BNC2: variants seen among roughly 807,000 people sequenced by gnomAD.
BNC2 encodes the protein zinc finger protein basonuclin-2.
A neutral mutation model predicts 76.3 loss-of-function variants in BNC2; 20 were observed. The ratio of observed to expected loss-of-function variants is 0.26; its 90% CI spans 0.18 to 0.38. BNC2 has a LOEUF of 0.38. Among genes scored for constraint, BNC2 ranks in the 10% least tolerant of loss-of-function variants. The pLI, the probability that BNC2 is intolerant of heterozygous loss-of-function variation, is 1.00. For missense variants in BNC2, 1,382 were observed against 1,399.8 expected (o/e 0.99, Z 0.20); for synonymous variants, 582 against 514.8 (o/e 1.13, Z -1.77).
At chr9:16,779,301 CAA>C (rs71327858) in intron 1 of BNC2, among the ~76,000 whole-genome samples, 13,107 of 105,362 alleles carry the variant, frequency 0.12, 618 homozygotes, top group Admixed American at 0.22. Flanking sequence ...GACCCTCTCT[CAA>C]AAAAAAAAAA....
Position 16,856,830 on chromosome 9 carries a change from G to A in BNC2, c.3+13816C>T, listed in dbSNP as rs373702325. Among the ~76,000 whole-genome samples the A allele has an allele frequency of 7.8e-4, 119 of 152,212 alleles. No homozygotes were observed. The South Asian group carries it at 8.3e-3, about 11-fold the overall frequency. On this transcript the variant is annotated intron_variant, in intron 1 of 6. Transcript: ENST00000380672. ...TCCAGAAGCCTACCTGTTAGCATTC[G>A]TGTTGATAGAATGAACTTCTCCAAT...
At chr9:16,506,101 T>G (rs1822616799) in intron 5 of BNC2, among the ~76,000 whole-genome samples, 1 of 152,200 alleles carries the variant, frequency 6.6e-6, no homozygotes, top group African/African-American at 2.4e-5. Flanking sequence ...TTTAAAAATC[T>G]ATCGCAAACT....
chr9:16,862,190 C>T (rs991020067), intron 1 of BNC2, among the ~76,000 whole-genome samples: 1 of 152,118 alleles, frequency 6.6e-6, no homozygotes, highest in Admixed American at 6.5e-5. Context: ...GAAATGAAAA[C>T]ATTATGTCCA....
chr9:16,516,516 A>G (rs1162350036), intron 5 of BNC2, among the ~76,000 whole-genome samples: 2 of 152,222 alleles, frequency 1.3e-5, no homozygotes, highest in East Asian at 1.9e-4. Context: ...AATTACATAC[A>G]TAGGTACCCA....
rs545312308 is a variant in BNC2, at chr9:16,607,963, T to C, written c.331-24878A>G. On this transcript the variant is annotated intron_variant, in intron 3 of 6. Transcript: ENST00000380672. Reference sequence around the variant, plus strand: ...ATTTACTCTTATGACCAATATGGAGTTCCAGGTATCCAAAAACCCCCATGG... The same window carrying C: ...ATTTACTCTTATGACCAATATGGAGCTCCAGGTATCCAAAAACCCCCATGG... Among the ~76,000 whole-genome samples, 5 of 152,170 alleles carry C rather than the reference T, an allele frequency of 3.3e-5. No homozygotes were observed. In the East Asian group the frequency reaches 9.7e-4, roughly 29 times the overall value.
intron 3 of BNC2, among the ~76,000 whole-genome samples, chr9:16,591,887 A>G (rs150767043): frequency 5.3e-4 from 81 of 152,342 alleles, no homozygotes; most frequent in African/African-American, 1.9e-3. Context: ...ATATGAAGAA[A>G]TAGCAAGCTG....
At chr9:16,713,595 T>C (rs1173977593) in intron 3 of BNC2, among the ~76,000 whole-genome samples, 1 of 152,096 alleles carries the variant, frequency 6.6e-6, no homozygotes, top group Admixed American at 6.6e-5. Context: ...TTAATGTAGA[T>C]GGTTGGTGCC....
Position 16,738,382 on chromosome 9 carries a change from C to T in BNC2, c.107G>A (p.Gly36Glu). ...WPAYFKVPCC[G>E]VDTSQIESEE... Reference sequence around the variant, plus strand: ...TACCTCAATTTGAGATGTATCAACCCCACAACATGGGACCTTGAAATATGC... The same window carrying T: ...TACCTCAATTTGAGATGTATCAACCTCACAACATGGGACCTTGAAATATGC... Residue 36 changes from glycine to glutamate, a missense_variant, in exon 2 of 7, where the codon GGG (glycine) becomes GAG (glutamate). Gly to Glu is a moderately conservative substitution (Grantham distance 98, BLOSUM62 -2). Coordinates refer to ENST00000380672, the MANE Select transcript of BNC2 (RefSeq NM_017637.6). 1 of 1,614,030 alleles carries T rather than the reference C, an allele frequency of 6.2e-7. No homozygotes were observed. Among genetic ancestry groups the T allele is most frequent in the Non-Finnish European group, 8.5e-7 (1 of 1,179,984 alleles).
chr9:16,613,021 G>GTT (rs1261169066), intron 3 of BNC2, among the ~76,000 whole-genome samples: 2 of 152,160 alleles, frequency 1.3e-5, no homozygotes, highest in Non-Finnish European at 2.9e-5. Context: ...ATGGTACGGA[G>GTT]GTAAAGCAGC....
intron 1 of BNC2, among the ~76,000 whole-genome samples, chr9:16,783,902 T>C (rs1826214406): frequency 6.6e-6 from 1 of 152,252 alleles, no homozygotes. Flanking sequence ...AAAATTCTTT[T>C]ATATTTTTAA....
In BNC2 at chr9:16,664,846, G is replaced by T. The variant is rs1319952290; in HGVS notation, c.330+62951C>A. Among the ~76,000 whole-genome samples, 7 of 141,000 alleles carry T rather than the reference G, an allele frequency of 5.0e-5. No individual in the cohort carries two copies. The East Asian group carries it at 8.8e-4, about 18-fold the overall frequency. The allele number at this position is 141,000 out of a possible 152,430, so 92.5% of individuals were successfully genotyped here. On this transcript the variant is annotated intron_variant, in intron 3 of 6. Transcript: ENST00000380672. ...CAGAATTCATGTCCACGTGAAATGT[G>T]AGCACCAGAATGCTTCACCTATACC...
intron 3 of BNC2, among the ~76,000 whole-genome samples, chr9:16,656,344 T>C (rs144874310): frequency 0.025 from 3,779 of 152,264 alleles, 121 homozygotes; most frequent in South Asian, 0.18. Context: ...CCACCCATGC[T>C]GAGGAGTTTC....
intron 1 of BNC2, among the ~76,000 whole-genome samples, chr9:16,796,739 G>C (rs1817665188): frequency 1.3e-5 from 2 of 152,102 alleles, no homozygotes; most frequent in Admixed American, 1.3e-4. Context: ...GAATGTACTT[G>C]AGTAGAATCG....
At chr9:16,869,775 G>C (rs542977591) in intron 1 of BNC2, among the ~76,000 whole-genome samples, 1 of 152,320 alleles carries the variant, frequency 6.6e-6, no homozygotes, top group South Asian at 2.1e-4. Flanking sequence ...TAGAGGGGCT[G>C]TGCTGGAGTC....
At chr9:16,782,060 G>A (rs1015305078) in intron 1 of BNC2, among the ~76,000 whole-genome samples, 2 of 152,054 alleles carry the variant, frequency 1.3e-5, no homozygotes, top group African/African-American at 4.8e-5. Flanking sequence ...GCCGAGGGGG[G>A]CGGATCACGA....
chr9:16,707,068 G>A (rs959718319), intron 3 of BNC2, among the ~76,000 whole-genome samples: 11 of 152,164 alleles, frequency 7.2e-5, no homozygotes, highest in Admixed American at 2.0e-4. Flanking sequence ...CGGGCGTGAT[G>A]GTGGGCGCCT....
chr9:16,480,795 C>A (rs942443072), intron 5 of BNC2, among the ~76,000 whole-genome samples: 1 of 152,204 alleles, frequency 6.6e-6, no homozygotes, highest in Non-Finnish European at 1.5e-5. Flanking sequence ...CTCCCACCCC[C>A]TCCATGGGCT....
rs966726585 is a variant in BNC2, at chr9:16,850,887, T to G, written c.3+19759A>C. Among the ~76,000 whole-genome samples, 125 of 152,182 alleles carry G rather than the reference T, an allele frequency of 8.2e-4. 1 individual carries two copies. Among genetic ancestry groups the G allele is most frequent in the African/African-American group, 2.9e-3 (120 of 41,522 alleles). On this transcript the variant is annotated intron_variant, in intron 1 of 6. Transcript: ENST00000380672. Reference sequence around the variant, plus strand: ...TTAACACCAAAAGACTTTTGAAGATTCAGAAAATCAAAGCTTATGTCATGG... The same window carrying G: ...TTAACACCAAAAGACTTTTGAAGATGCAGAAAATCAAAGCTTATGTCATGG...
chr9:16,682,139 A>C (rs1380269226), intron 3 of BNC2, among the ~76,000 whole-genome samples: 1 of 151,722 alleles, frequency 6.6e-6, no homozygotes, highest in African/African-American at 2.4e-5. Context: ...TAAGGTGGTA[A>C]GGAGAACTTC....
Sources: allele counts gnomAD v4.1 joint callset (sites outside exome capture counted in the v4.1 genomes callset), GRCh38; gene constraint gnomAD v4.1.1; transcripts MANE v1.5; gene names NCBI Gene and HGNC (gene_info 2026-07-23, HGNC 2026-07-21).